ATP13A3: variants seen among roughly 807,000 people sequenced by gnomAD.
The protein encoded by ATP13A3 is ATPase 13A3.
In ATP13A3, 59 loss-of-function variants were observed where a neutral mutation model predicts 158.1. The observed-to-expected ratio is 0.37, with a 90% CI of 0.30 to 0.46. The LOEUF (loss-of-function observed/expected upper bound fraction) is 0.46, where lower values mean the gene tolerates loss of function less well. ATP13A3 is among the 20% of genes least tolerant of loss of function. ATP13A3 has a pLI of 1.00. For synonymous variants in ATP13A3, 491 were observed against 504.3 expected (o/e 0.97, Z 0.35); for missense variants, 1,166 against 1,525.2 (o/e 0.76, Z 3.92).
chr3:194,464,383 G>T (rs1228379210), intron 2 of ATP13A3, among the ~76,000 whole-genome samples: 1 of 152,136 alleles, frequency 6.6e-6, no homozygotes, highest in Admixed American at 6.5e-5. Context: ...AACCTTTTGG[G>T]CATGGTAACA....
At chr3:194,415,654 C>G (rs1715779185) in intron 31 of ATP13A3, among the ~76,000 whole-genome samples, 2 of 145,410 alleles carry the variant, frequency 1.4e-5, no homozygotes, top group Admixed American at 6.8e-5. Context: ...ATTTACAATA[C>G]CACATTCTTT....
intron 31 of ATP13A3, among the ~76,000 whole-genome samples, chr3:194,415,392 A>G (rs1469978613): frequency 6.6e-6 from 1 of 152,208 alleles, no homozygotes; most frequent in Non-Finnish European, 1.5e-5. Context: ...AACAGAAGAC[A>G]TGTGCACCAG....
intron 2 of ATP13A3, among the ~76,000 whole-genome samples, chr3:194,476,079 A>G (rs1720510421): frequency 6.6e-6 from 1 of 152,176 alleles, no homozygotes; most frequent in African/African-American, 2.4e-5. Context: ...CATAAGGAAA[A>G]TAGTGTCTAG....
chr3:194,479,102 G>A (rs919049247), intron 2 of ATP13A3, among the ~76,000 whole-genome samples: 1 of 152,136 alleles, frequency 6.6e-6, no homozygotes, highest in African/African-American at 2.4e-5. Flanking sequence ...GATTGGGGCG[G>A]GGGGTACTCT....
At chr3:194,408,401 G>A (rs1715113962) in intron 33 of ATP13A3, among the ~76,000 whole-genome samples, 2 of 152,106 alleles carry the variant, frequency 1.3e-5, no homozygotes, top group South Asian at 4.1e-4. Context: ...TTTTAAAAAA[G>A]CAGAAACATA....
In ATP13A3 at chr3:194,459,495, G is replaced by T; in HGVS notation, c.455C>A (p.Thr152Asn). Residue 152 changes from threonine (T) to asparagine (N), a missense_variant, in exon 6 of 34, where the codon ACC (threonine) becomes AAC (asparagine). Around this residue, in one of 3 missense-constraint regions of ATP13A3, gnomAD observed 104 missense variants for 91.7 expected, o/e 1.13. Transcript: ENST00000645319. ...HHSVKYFWND[T>N]IHNFDFLKGL... The stretch of plus-strand genomic sequence containing the variant: ...CTTTAAGAAATCAAAATTGTGAATG[G>T]TATCATTCCAGAAATATTTTACACT... 2 of 1,599,534 alleles carry T rather than the reference G, an allele frequency of 1.3e-6. No homozygotes were observed. The highest frequency in any genetic ancestry group is 1.7e-6 in the Non-Finnish European group (2 of 1,167,340).
intron 31 of ATP13A3, among the ~76,000 whole-genome samples, chr3:194,418,143 C>T (rs1057226207): frequency 5.3e-5 from 8 of 151,484 alleles, no homozygotes; most frequent in South Asian, 2.1e-4. Flanking sequence ...AATGGGTATG[C>T]GTAAGAGAAA....
chr3:194,472,408 T>C (rs1720346100), intron 2 of ATP13A3, among the ~76,000 whole-genome samples: 1 of 152,200 alleles, frequency 6.6e-6, no homozygotes. Context: ...CTACAATAAG[T>C]ATCAACCAAA....
intron 10 of ATP13A3, 86 bp downstream of exon 10, chr3:194,453,620 A>G (rs1196680271): frequency 1.1e-5 from 11 of 974,046 alleles, no homozygotes; most frequent in African/African-American, 1.6e-5. Context: ...CAAAGAATGT[A>G]TATGTATTAT....
intron 14 of ATP13A3, 127 bp downstream of exon 14, chr3:194,446,800 A>T (rs1430631330): frequency 8.8e-6 from 8 of 907,344 alleles, no homozygotes; most frequent in African/African-American, 1.7e-5. Flanking sequence ...TAAGTGGAGG[A>T]AAAGGAAAAT....
upstream of ATP13A3, chr3:194,487,075 G>C (rs1198524237): frequency 6.6e-6 from 1 of 151,854 alleles, no homozygotes; most frequent in African/African-American, 2.4e-5. Context: ...GCGACGTCAG[G>C]AGGCGGGGAA....
chr3:194,448,425 T>C lies in ATP13A3; in HGVS notation c.1150+32A>G. 3 of 1,600,228 alleles carry C rather than the reference T, an allele frequency of 1.9e-6. No homozygotes were observed. Among genetic ancestry groups the C allele is most frequent in the South Asian group, 2.2e-5 (2 of 90,600 alleles). On this transcript the variant is annotated intron_variant, in intron 12 of 33. Transcript: ENST00000645319. The surrounding 1 kb of genome is among the most constrained non-coding windows in gnomAD (Gnocchi z 4.0). The stretch of plus-strand genomic sequence containing the variant: ...AGTAGGTATCAAATATGCTGAAACA[T>C]GCAAAAAGAGATTAATTAAGATGTT...
intron 11 of ATP13A3, among the ~76,000 whole-genome samples, chr3:194,449,044 TACACACAC>T (rs146993933): frequency 0.045 from 6,094 of 134,946 alleles, 327 homozygotes; most frequent in African/African-American, 0.13. Flanking sequence ...GATCCACCCC[TACACACAC>T]ACACACACAC....
intron 2 of ATP13A3, among the ~76,000 whole-genome samples, chr3:194,474,356 T>A (rs1720434765): frequency 6.6e-6 from 1 of 152,050 alleles, no homozygotes; most frequent in Non-Finnish European, 1.5e-5. Flanking sequence ...GGTCTCTTCA[T>A]CTTGCCAGGC....
rs376542057 is a variant in ATP13A3 at position 194,462,044 on chromosome 3, G to A, written c.51+96C>T. On this transcript the variant is annotated intron_variant, in intron 3 of 33. Transcript: ENST00000645319. Reference sequence around the variant, plus strand: ...GAAGCCCATTGAGTTAGCTGCTGCCGCCACTGTTGTTAATTGCATTTTTCT... The same window carrying A: ...GAAGCCCATTGAGTTAGCTGCTGCCACCACTGTTGTTAATTGCATTTTTCT... The A allele has an allele frequency of 3.0e-4, 355 of 1,188,984 alleles. 3 individuals carry two copies. The East Asian group carries it at 6.9e-3, about 23-fold the overall frequency. 73.7% of individuals were successfully genotyped at this position (1,188,984 alleles called of 1,614,324 possible).
intron 14 of ATP13A3, among the ~76,000 whole-genome samples, chr3:194,445,740 C>T (rs988027051): frequency 6.6e-6 from 1 of 151,938 alleles, no homozygotes; most frequent in Non-Finnish European, 1.5e-5. Flanking sequence ...ATGAAATGCA[C>T]AAAAATCAAA....
chr3:194,412,396 T>A, intron 32 of ATP13A3, 108 bp from the exon 33 acceptor site: 1 of 830,406 alleles, frequency 1.2e-6, no homozygotes, highest in Non-Finnish European at 1.9e-6. Context: ...GAAAAGGATA[T>A]TTTGATTTTC....
chr3:194,453,668 T>C lies in ATP13A3; in HGVS notation c.838+38A>G, dbSNP rs953776952. The C allele has an allele frequency of 5.9e-6, 9 of 1,522,038 alleles. No individual in the cohort carries two copies. The African/African-American group carries it at 1.2e-4, about 21-fold the overall frequency. 94.3% of individuals were successfully genotyped at this position (1,522,038 alleles called of 1,614,324 possible). A position where few individuals can be genotyped will look rare whatever the true frequency, so the allele number is the denominator to read the frequency against. ...CTTCACACATTATGCCTAACAGGTATCTTTTTTGATTTATTCTTCCAACAT... is the reference window on the plus strand; with the variant it reads ...CTTCACACATTATGCCTAACAGGTACCTTTTTTGATTTATTCTTCCAACAT... On this transcript the variant is annotated intron_variant, in intron 10 of 33. Coordinates refer to ENST00000645319, the MANE Select transcript of ATP13A3 (RefSeq NM_001367549.1).
chr3:194,427,985 C>T (rs1716922283), intron 28 of ATP13A3, among the ~76,000 whole-genome samples: 1 of 152,012 alleles, frequency 6.6e-6, no homozygotes, highest in South Asian at 2.1e-4. Flanking sequence ...ATTTGGGAGG[C>T]CGAGGCGGGC....
Sources: gnomAD v4.1 joint callset for allele counts (sites outside exome capture counted in the v4.1 genomes callset) on GRCh38, gnomAD v4.1.1 for gene constraint, gnomAD v4.1.1 regional missense constraint, Gnocchi (gnomAD v3.1) non-coding constraint, MANE v1.5 for transcripts, NCBI Gene and HGNC (gene_info 2026-07-23, HGNC 2026-07-21) for gene names.